Variants in PCDHGA2 observed in about 807,000 individuals in gnomAD.
The protein encoded by PCDHGA2 is protocadherin gamma-A2.
A neutral mutation model predicts 59.2 loss-of-function variants in PCDHGA2; 40 were observed. That is an observed-to-expected ratio of 0.68 (90% CI 0.52 to 0.88). The LOEUF is 0.88. Ranked by LOEUF, PCDHGA2 falls within the 40% of genes least tolerant of loss-of-function variation. The pLI, the probability that PCDHGA2 is intolerant of heterozygous loss-of-function variation, is 0.00. For missense variants in PCDHGA2, 1,226 were observed against 1,204.0 expected (o/e 1.02, Z -0.27); for synonymous variants, 560 against 526.0 (o/e 1.06, Z -0.89).
At chr5:141,397,842 G>T (rs7703108) in intron 1 of PCDHGA2, 79,958 of 516,008 alleles carry the variant, frequency 0.15, 7,302 homozygotes, top group African/African-American at 0.31. Flanking sequence ...ACTTGAAGCC[G>T]CAGAGGCTGT....
At chr5:141,497,499 C>G (rs1217418941) in intron 2 of PCDHGA2, among the ~76,000 whole-genome samples, 3 of 151,416 alleles carry the variant, frequency 2.0e-5, no homozygotes, top group Non-Finnish European at 4.4e-5. Context: ...TCTCTCTCCT[C>G]TCTCTGCTTC....
At chr5:141,497,272 T>G (rs568198729) in intron 2 of PCDHGA2, among the ~76,000 whole-genome samples, 20 of 152,254 alleles carry the variant, frequency 1.3e-4, no homozygotes, top group African/African-American at 4.3e-4. Flanking sequence ...CTAGGCCATT[T>G]ATGTTCCCTC....
At chr5:141,394,799 A>G in intron 1 of PCDHGA2, 5 of 1,613,808 alleles carry the variant, frequency 3.1e-6, no homozygotes, top group Admixed American at 1.7e-5. Context: ...CGCTCACCGT[A>G]GCCGTGGCTG....
chr5:141,398,345 C>T (rs1442407908), intron 1 of PCDHGA2: 29 of 1,379,896 alleles, frequency 2.1e-5, no homozygotes, highest in Non-Finnish European at 2.8e-5. Context: ...TCGGAGAAGC[C>T]TTACTTCACC....
In PCDHGA2 at chr5:141,410,323, G is replaced by T. The variant is rs1415994094; in HGVS notation, c.2424+68928G>T. 3.7e-6 allele frequency: 6 copies of T among 1,613,884 alleles called. No homozygotes were observed. The South Asian group carries it at 5.5e-5, about 15-fold the overall frequency. ...TCTCAGTGCTCTTCCTCCTCGCCGT[G>T]ATTCTGGCCATTGCCTTGCGCCTGC... is the stretch of plus-strand genomic sequence containing the variant. On this transcript the variant is annotated intron_variant, in intron 1 of 3. Transcript: ENST00000394576.
At chr5:141,394,482 G>A in intron 1 of PCDHGA2, 1 of 1,614,240 alleles carries the variant, frequency 6.2e-7, no homozygotes, top group Non-Finnish European at 8.5e-7. Context: ...GGACCAGAAT[G>A]ACAACGCGCC....
At chr5:141,405,206 A>G in intron 1 of PCDHGA2, 1 of 1,613,648 alleles carries the variant, frequency 6.2e-7, no homozygotes, top group Non-Finnish European at 8.5e-7. Flanking sequence ...TTTCCTACAG[A>G]CCTATTCTCA....
At chr5:141,389,719 C>A (rs371194042) in intron 1 of PCDHGA2, 62 of 1,612,570 alleles carry the variant, frequency 3.8e-5, no homozygotes, top group South Asian at 1.1e-5. Flanking sequence ...GCTAGCGAGC[C>A]CGGGCTCTTC....
At chr5:141,502,866 C>CTTT (rs549047197) in intron 2 of PCDHGA2, among the ~76,000 whole-genome samples, 3 of 128,046 alleles carry the variant, frequency 2.3e-5, no homozygotes, top group African/African-American at 9.3e-5. Context: ...GACTCTCTGT[C>CTTT]TTTTTTTTTT....
rs376466215 is a variant in PCDHGA2, at chr5:141,390,102, A to G, written c.2424+48707A>G. ...TAAATCCGAATCCGTGGTTCCCCCC[A>G]ACTACAGCGAGGGGACTTTGCCTTA... is the stretch of plus-strand genomic sequence containing the variant. On this transcript the variant is annotated intron_variant, in intron 1 of 3. Transcript: ENST00000394576. The G allele has an allele frequency of 4.3e-6, 7 of 1,613,886 alleles. No homozygotes were observed. The African/African-American group carries it at 6.7e-5, about 15-fold the overall frequency.
chr5:141,398,975 G>A, intron 1 of PCDHGA2: 2 of 1,613,926 alleles, frequency 1.2e-6, no homozygotes, highest in Middle Eastern at 1.6e-4. Context: ...TCCTTCTACA[G>A]AACCGGGCAA....
At position 141,418,922 on chromosome 5, in the gene PCDHGA2, C is replaced by G. The variant is rs180948941; in HGVS notation, c.2425-75885C>G. The G allele has an allele frequency of 3.7e-6, 6 of 1,613,994 alleles. 1 individual carries two copies. In the Admixed American group the frequency reaches 6.7e-5, roughly 18 times the overall value. On this transcript the variant is annotated intron_variant, in intron 1 of 3. Coordinates refer to ENST00000394576, the MANE Select transcript of PCDHGA2 (RefSeq NM_018915.4). ...AATAATCATCACGTCACTCTCTGAT[C>G]AGATTATGGAGGATTCCCCTCCAGG...
chr5:141,365,193 T>A, intron 1 of PCDHGA2: 2 of 1,613,762 alleles, frequency 1.2e-6, no homozygotes, highest in Non-Finnish European at 1.7e-6. Flanking sequence ...GAAGAAAAAA[T>A]TTCGGAGACT....
chr5:141,374,078 C>T, intron 1 of PCDHGA2: 1 of 1,516,122 alleles, frequency 6.6e-7, no homozygotes, highest in Non-Finnish European at 8.8e-7. Flanking sequence ...TCCTAATAAG[C>T]CAGTAATGGC....
intron 1 of PCDHGA2, chr5:141,390,248 A>G (rs778353032): frequency 2.5e-6 from 4 of 1,613,850 alleles, no homozygotes; most frequent in East Asian, 2.2e-5. Context: ...CCTTATTTCC[A>G]CTTTGTAATT....
rs1435378035 is a variant in PCDHGA2 at position 141,355,865 on chromosome 5, G to A, written c.2424+14470G>A. 15 of 1,612,534 alleles carry A rather than the reference G, an allele frequency of 9.3e-6. No individual in the cohort carries two copies. The highest frequency in any genetic ancestry group is 1.3e-5 in the African/African-American group (1 of 74,890). On this transcript the variant is annotated intron_variant, in intron 1 of 3. Transcript: ENST00000394576. ...GCCTTCGATGGAGGTGACCCGGTTC[G>A]CTCTGGCACTGCCAGGATTCTCATA... is the stretch of plus-strand genomic sequence containing the variant.
rs376721940 is a variant in PCDHGA2, at chr5:141,410,147, G to A, written c.2424+68752G>A. 18 of 1,612,952 alleles carry A rather than the reference G, an allele frequency of 1.1e-5. No homozygotes were observed. The East Asian group carries it at 3.6e-4, about 32-fold the overall frequency. ...GCGCCTGCTGGTCGCTGTGCGTGAC[G>A]GTGGACAGCCGCCACTCTCTGCCAC... On this transcript the variant is annotated intron_variant, in intron 1 of 3. Transcript: ENST00000394576.
chr5:141,400,181 A>C, intron 1 of PCDHGA2: 3 of 1,614,034 alleles, frequency 1.9e-6, no homozygotes, highest in Non-Finnish European at 2.5e-6. Context: ...GCTGAGCTGC[A>C]GTTTTACCTA....
At chr5:141,423,003 G>A (rs779233337) in intron 1 of PCDHGA2, 1 of 1,614,208 alleles carries the variant, frequency 6.2e-7, no homozygotes, top group African/African-American at 1.3e-5. Flanking sequence ...TGACCAAGGT[G>A]GTTGCGGTGG....
Sources: allele counts gnomAD v4.1 joint callset (sites outside exome capture counted in the v4.1 genomes callset), GRCh38; gene constraint gnomAD v4.1.1; transcripts MANE v1.5; gene names NCBI Gene and HGNC (gene_info 2026-07-23, HGNC 2026-07-21).